Variants in ZNF148 observed in about 807,000 individuals in gnomAD.
ZNF148 encodes the protein Beta-Enolase Repressor Factor-1.
ZNF148 carries 7 observed loss-of-function variants against 67.7 expected under a neutral mutation model. The observed-to-expected ratio is 0.10, with a 90% CI of 0.06 to 0.19. The LOEUF (loss-of-function observed/expected upper bound fraction) is 0.19, where lower values mean the gene tolerates loss of function less well. Among genes scored for constraint, ZNF148 ranks in the 10% least tolerant of loss-of-function variants. ZNF148 has a pLI of 1.00. For missense variants in ZNF148, 583 were observed against 947.1 expected, an observed-to-expected ratio of 0.62 and a Z score of 5.05; for synonymous variants, 333 against 330.7, an observed-to-expected ratio of 1.01 and a Z score of -0.08.
intron 7 of ZNF148, among the ~76,000 whole-genome samples, chr3:125,256,571 G>A (rs958275760): frequency 2.6e-5 from 4 of 152,120 alleles, no homozygotes; most frequent in Non-Finnish European, 4.4e-5. Context: ...AGCTACTCGG[G>A]AGGCTCAGGC....
At chr3:125,351,971 C>G (rs1301120009) in intron 1 of ZNF148, among the ~76,000 whole-genome samples, 1 of 152,164 alleles carries the variant, frequency 6.6e-6, no homozygotes, top group Non-Finnish European at 1.5e-5. Context: ...TGCTTTGAAA[C>G]ATAGTCTGGA....
intron 7 of ZNF148, among the ~76,000 whole-genome samples, chr3:125,238,086 C>A (rs1025304032): frequency 6.6e-6 from 1 of 151,250 alleles, no homozygotes; most frequent in Non-Finnish European, 1.5e-5. Flanking sequence ...TGAAGTTAGA[C>A]CCCCCCCAAC....
chr3:125,260,901 T>C (rs1165697435), intron 7 of ZNF148, among the ~76,000 whole-genome samples: 1 of 152,192 alleles, frequency 6.6e-6, no homozygotes, highest in Non-Finnish European at 1.5e-5. Flanking sequence ...AAATCACTAT[T>C]TGCCCATGTT....
intron 7 of ZNF148, among the ~76,000 whole-genome samples, chr3:125,258,903 AT>A (rs1318844916): frequency 3.3e-5 from 5 of 152,260 alleles, no homozygotes; most frequent in Non-Finnish European, 7.4e-5. Flanking sequence ...GATATGCCAA[AT>A]TTTTGGTTTT....
chr3:125,255,448 T>C (rs1433069761), intron 7 of ZNF148, among the ~76,000 whole-genome samples: 1 of 152,020 alleles, frequency 6.6e-6, no homozygotes, highest in East Asian at 1.9e-4. Context: ...GGTTTCCCCA[T>C]GTTGGCCAGG....
At chr3:125,344,577 T>G in intron 1 of ZNF148, 1 of 900,470 alleles carries the variant, frequency 1.1e-6, no homozygotes. Flanking sequence ...CTCCACCATT[T>G]AATCCTTCTT....
intron 4 of ZNF148, among the ~76,000 whole-genome samples, chr3:125,303,292 T>C (rs191255566): frequency 2.4e-3 from 365 of 151,816 alleles, no homozygotes; most frequent in Non-Finnish European, 4.1e-3. Context: ...TGAATCTTGA[T>C]TGCTTTGGTG....
chr3:125,373,858 A>G (rs533990761), intron 1 of ZNF148, among the ~76,000 whole-genome samples: 11 of 152,196 alleles, frequency 7.2e-5, no homozygotes, highest in Non-Finnish European at 1.3e-4. Context: ...TCTAAAGAAG[A>G]GCCAGCAAGC....
At chr3:125,267,273 A>T (rs1360249963) in intron 7 of ZNF148, among the ~76,000 whole-genome samples, 3 of 151,984 alleles carry the variant, frequency 2.0e-5, no homozygotes, top group Non-Finnish European at 4.4e-5. Context: ...AAAAAAAAAC[A>T]AAACTAAAGG....
At chr3:125,281,188 G>C (rs1938365627) in intron 5 of ZNF148, among the ~76,000 whole-genome samples, 1 of 152,144 alleles carries the variant, frequency 6.6e-6, no homozygotes, top group Admixed American at 6.5e-5. Flanking sequence ...GTCATGGAAG[G>C]GAAACATTTG....
chr3:125,258,371 G>A (rs1937188713), intron 7 of ZNF148, among the ~76,000 whole-genome samples: 1 of 142,966 alleles, frequency 7.0e-6, no homozygotes. Context: ...CTTGCAGTGA[G>A]CCGAGATTGC....
intron 7 of ZNF148, among the ~76,000 whole-genome samples, chr3:125,270,052 C>G (rs1029102289): frequency 3.3e-5 from 5 of 152,124 alleles, no homozygotes; most frequent in Admixed American, 3.3e-4. Context: ...GCCCAAATCT[C>G]AGAATCATGC....
chr3:125,363,710 G>A (rs1156736037), intron 1 of ZNF148, among the ~76,000 whole-genome samples: 1 of 150,860 alleles, frequency 6.6e-6, no homozygotes, highest in Non-Finnish European at 1.5e-5. Context: ...AGGCTGGAGT[G>A]TAGATTTCAG....
intron 5 of ZNF148, among the ~76,000 whole-genome samples, chr3:125,287,613 G>A (rs1338953762): frequency 1.3e-5 from 2 of 152,126 alleles, no homozygotes; most frequent in Non-Finnish European, 2.9e-5. Context: ...CACTCAGCCT[G>A]GGTTACTTGT....
intron 1 of ZNF148, among the ~76,000 whole-genome samples, chr3:125,331,607 C>T (rs951751428): frequency 6.6e-5 from 10 of 152,108 alleles, no homozygotes; most frequent in African/African-American, 2.4e-4. Flanking sequence ...TGATACTCTC[C>T]AACACTCATA....
At chr3:125,361,832 C>CAAA (rs11383689) in intron 1 of ZNF148, among the ~76,000 whole-genome samples, 1 of 146,970 alleles carries the variant, frequency 6.8e-6, no homozygotes, top group African/African-American at 2.5e-5. Context: ...GACCCTGTCT[C>CAAA]AAAAAAAAAA....
chr3:125,311,898 G>C (rs903470340), intron 4 of ZNF148, among the ~76,000 whole-genome samples: 1 of 152,086 alleles, frequency 6.6e-6, no homozygotes, highest in Non-Finnish European at 1.5e-5. Context: ...CACACAAGAA[G>C]AATCAGATAA....
At position 125,340,523 on chromosome 3, in the gene ZNF148, G is replaced by A. The variant is rs1296889093; in HGVS notation, c.-233-9285C>T. Among the ~76,000 whole-genome samples the A allele has an allele frequency of 2.0e-5, 3 of 152,288 alleles. No individual in the cohort carries two copies. The South Asian group carries it at 6.2e-4, about 32-fold the overall frequency. ...CCACCATAATCCTCTCCCATCTGTA[G>A]ACAATCAGAAACCCAGCATGGGGAA... On this transcript the variant is annotated intron_variant, in intron 1 of 8. Coordinates refer to ENST00000360647, the MANE Select transcript of ZNF148 (RefSeq NM_021964.3).
chr3:125,240,776 A>C (rs1419468264), intron 7 of ZNF148, among the ~76,000 whole-genome samples: 3 of 150,232 alleles, frequency 2.0e-5, no homozygotes, highest in African/African-American at 5.0e-5. Context: ...AAAAAAAAAA[A>C]AAAACCAAAA....
Sources: gnomAD v4.1 joint callset for allele counts (sites outside exome capture counted in the v4.1 genomes callset) on GRCh38, gnomAD v4.1.1 for gene constraint, MANE v1.5 for transcripts, NCBI Gene and HGNC (gene_info 2026-07-23, HGNC 2026-07-21) for gene names.